The following EYS variants were observed in gnomAD, a reference collection of about 807,000 sequenced individuals.
EYS encodes the protein protein eyes shut homolog.
In EYS, 250 loss-of-function variants were observed where a neutral mutation model predicts 282.1. The ratio of observed to expected loss-of-function variants is 0.89; its 90% CI spans 0.80 to 0.98. The LOEUF is 0.98. EYS is among the 50% of genes least tolerant of loss of function. EYS has a pLI of 0.00. For missense variants in EYS, 4,016 were observed against 3,709.0 expected, an observed-to-expected ratio of 1.08 and a Z score of -2.15; for synonymous variants, 1,355 against 1,282.9, an observed-to-expected ratio of 1.06 and a Z score of -1.20.
intron 2 of EYS, among the ~76,000 whole-genome samples, chr6:65,625,076 T>C (rs1766647705): frequency 6.6e-6 from 1 of 152,090 alleles, no homozygotes; most frequent in African/African-American, 2.4e-5. Flanking sequence ...AATTTCAACC[T>C]AGAGGAAGGG....
At chr6:65,012,562 T>A (rs1771907478) in intron 13 of EYS, among the ~76,000 whole-genome samples, 1 of 152,078 alleles carries the variant, frequency 6.6e-6, no homozygotes, top group Non-Finnish European at 1.5e-5. Context: ...AGACTTAGGA[T>A]AAGGGATAAA....
At chr6:64,175,724 T>C (rs1764608629) in intron 31 of EYS, among the ~76,000 whole-genome samples, 1 of 152,124 alleles carries the variant, frequency 6.6e-6, no homozygotes, top group Non-Finnish European at 1.5e-5. Flanking sequence ...TGTCCGGTCA[T>C]GCCCTGTGAA....
intron 19 of EYS, among the ~76,000 whole-genome samples, chr6:64,838,471 G>A (rs1206495354): frequency 6.6e-6 from 1 of 151,902 alleles, no homozygotes; most frequent in Non-Finnish European, 1.5e-5. Flanking sequence ...GAGTAAAACA[G>A]TGCACACAGC....
chr6:64,033,827 ACTCTCTCTCTCTCTCTCT>A (rs71708335), intron 33 of EYS, among the ~76,000 whole-genome samples: 12 of 148,618 alleles, frequency 8.1e-5, no homozygotes, highest in East Asian at 2.0e-4. Flanking sequence ...AAATGAGATT[ACTCTCTCTCTCTCTCTCT>A]CTATATATAT....
At chr6:65,093,750 T>A (rs1341005853) in intron 12 of EYS, among the ~76,000 whole-genome samples, 2 of 151,806 alleles carry the variant, frequency 1.3e-5, no homozygotes, top group Non-Finnish European at 3.0e-5. Context: ...ATATAAGTTT[T>A]TAAAATTTTA....
In EYS at chr6:65,353,573, CA is replaced by C. The variant is rs1764366947; in HGVS notation, c.1343del (p.Leu448Ter). 1 of 1,613,010 alleles carries C rather than the reference CA, an allele frequency of 6.2e-7. No individual in the cohort carries two copies. The highest frequency in any genetic ancestry group is 1.3e-5 in the African/African-American group (1 of 74,866). ...PGCTKNPCWF[L>X]KNVYLIHQHL... ...GTTGATGAATTAGGTAAACATTCTT[CA>C]AAAACCAACATGGATTTTTTGTGCA... On this transcript the variant is annotated frameshift_variant, in exon 9 of 43. Transcript: ENST00000503581. LOFTEE classifies it high-confidence loss of function.
intron 30 of EYS, 131 bp downstream of exon 30, chr6:64,306,839 G>A: frequency 2.1e-5 from 13 of 620,836 alleles, no homozygotes; most frequent in East Asian, 5.8e-5. Flanking sequence ...GAAGTAGAAC[G>A]TAGGAATGTG....
At chr6:63,743,989 G>A (rs1769147833) in intron 41 of EYS, 1 of 152,148 alleles carries the variant, frequency 6.6e-6, no homozygotes, top group African/African-American at 2.4e-5. Flanking sequence ...AAGATTTGTA[G>A]ATGTTATGAG....
chr6:64,411,758 G>A (rs1773897917), intron 28 of EYS, among the ~76,000 whole-genome samples: 1 of 152,002 alleles, frequency 6.6e-6, no homozygotes, highest in Non-Finnish European at 1.5e-5. Flanking sequence ...TGATTTAGGA[G>A]ACCTCCTTGA....
intron 12 of EYS, among the ~76,000 whole-genome samples, chr6:65,214,792 G>A (rs1286438220): frequency 6.6e-6 from 1 of 152,150 alleles, no homozygotes; most frequent in Non-Finnish European, 1.5e-5. Flanking sequence ...TGACTAAATT[G>A]AAGCCAATTT....
chr6:63,844,677 A>G (rs887989285), intron 36 of EYS, among the ~76,000 whole-genome samples: 1 of 151,462 alleles, frequency 6.6e-6, no homozygotes, highest in African/African-American at 2.4e-5. Context: ...GTGTCTGTTC[A>G]TATCCTTTGC....
Position 65,303,162 on chromosome 6 carries a change from T to TA in EYS, c.1767-7044dup, listed in dbSNP as rs1412729943. 6.7e-6 allele frequency: 5 copies of TA among 749,388 alleles called. No individual in the cohort carries two copies. The East Asian group carries it at 1.4e-4, about 20-fold the overall frequency. 46.4% of individuals were successfully genotyped at this position (749,388 alleles called of 1,614,324 possible). A position where few individuals can be genotyped will look rare whatever the true frequency, so the allele number is the denominator to read the frequency against. ...CAAGGTGAATGTTTGCATTTTGGAA[T>TA]AAAAACTCTTGAGGAAATTAAGTCA... On this transcript the variant is annotated intron_variant, in intron 11 of 42. Transcript: ENST00000503581.
intron 1 of EYS, among the ~76,000 whole-genome samples, chr6:65,641,397 T>C (rs1767270233): frequency 6.6e-6 from 1 of 152,200 alleles, no homozygotes; most frequent in Non-Finnish European, 1.5e-5. Context: ...TTCTCCTTAA[T>C]GGTCCCATTC....
intron 2 of EYS, among the ~76,000 whole-genome samples, chr6:65,539,910 C>G (rs1261688139): frequency 2.0e-5 from 3 of 152,132 alleles, no homozygotes; most frequent in East Asian, 1.9e-4. Flanking sequence ...AGCTCAAGAC[C>G]ATGAAAAGAA....
rs1181968278 is a variant in EYS, at chr6:64,211,627, TAAATTTAGCAAAATTTAATTTTGCTA to T, written c.6424+18939_6424+18964del. The stretch of plus-strand genomic sequence containing the variant: ...TTCATTTATATGCATATATATGAAT[TAAATTTAGCAAAATTTAATTTTGCTA>T]AAATTTAGCAAAATTTAATTCATAC... On this transcript the variant is annotated intron_variant, in intron 31 of 42. Transcript: ENST00000503581. Among the ~76,000 whole-genome samples, 365 of 148,660 alleles carry T rather than the reference TAAATTTAGCAAAATTTAATTTTGCTA, an allele frequency of 2.5e-3. 2 individuals carry two copies. The highest frequency in any genetic ancestry group is 0.019 in the South Asian group (89 of 4,774).
chr6:65,614,577 T>C (rs1766118345), intron 2 of EYS, among the ~76,000 whole-genome samples: 2 of 152,088 alleles, frequency 1.3e-5, no homozygotes, highest in Non-Finnish European at 2.9e-5. Flanking sequence ...CTCCACAAAA[T>C]GTACATTTGT....
chr6:64,278,965 G>T (rs1478797057), intron 30 of EYS, among the ~76,000 whole-genome samples: 3 of 152,058 alleles, frequency 2.0e-5, no homozygotes, highest in Non-Finnish European at 4.4e-5. Flanking sequence ...TGTTGCCCAG[G>T]TTGGTCTCAA....
In EYS at chr6:65,110,686, A is replaced by G. The variant is rs537220071; in HGVS notation, c.2024-52959T>C. Among the ~76,000 whole-genome samples the G allele has an allele frequency of 3.3e-5, 5 of 152,208 alleles. No individual in the cohort carries two copies. The East Asian group carries it at 9.7e-4, about 29-fold the overall frequency. ...TAAAGTACATATTTTAAAAATGTGT[A>G]TCTTTTTTTCAAAATAAATGTTTTT... On this transcript the variant is annotated intron_variant, in intron 12 of 42. Coordinates refer to ENST00000503581, the MANE Select transcript of EYS (RefSeq NM_001142800.2).
intron 37 of EYS, among the ~76,000 whole-genome samples, chr6:63,794,753 T>C (rs939563362): frequency 4.6e-5 from 7 of 152,248 alleles, no homozygotes; most frequent in African/African-American, 1.2e-4. Flanking sequence ...CACATTTGTA[T>C]TGCCATGTAG....
Sources: gnomAD v4.1 joint callset for allele counts (sites outside exome capture counted in the v4.1 genomes callset) on GRCh38, gnomAD v4.1.1 for gene constraint, MANE v1.5 for transcripts, NCBI Gene and HGNC (gene_info 2026-07-23, HGNC 2026-07-21) for gene names.